Variants in RGS6 observed in about 807,000 individuals in gnomAD.
RGS6 encodes regulator of G-protein signaling 6.
RGS6 carries 30 observed loss-of-function variants against 78.5 expected under a neutral mutation model. The ratio of observed to expected loss-of-function variants is 0.38; its 90% confidence interval spans 0.29 to 0.52. The LOEUF is 0.52. Among genes scored for constraint, RGS6 ranks in the 20% least tolerant of loss-of-function variants. The pLI is 0.85. For synonymous variants in RGS6, 206 were observed against 206.0 expected (o/e 1.00, Z 0.00); for missense variants, 495 against 609.7 (o/e 0.81, Z 1.98).
intron 2 of RGS6, among the ~76,000 whole-genome samples, chr14:72,243,183 G>C (rs2053361075): frequency 6.6e-6 from 1 of 152,172 alleles, no homozygotes; most frequent in South Asian, 2.1e-4. Context: ...CACAGTCATG[G>C]AACATGTTTA....
intron 2 of RGS6, among the ~76,000 whole-genome samples, chr14:72,337,279 C>T (rs1339504984): frequency 6.6e-6 from 1 of 151,548 alleles, no homozygotes; most frequent in Non-Finnish European, 1.5e-5. Context: ...AACACCCCCT[C>T]CCCTGTAAAA....
chr14:72,425,448 A>G (rs537232112), intron 3 of RGS6, among the ~76,000 whole-genome samples: 52 of 152,338 alleles, frequency 3.4e-4, no homozygotes, highest in African/African-American at 1.2e-3. Flanking sequence ...CAGAAGGGGA[A>G]AATCTTATAA....
At chr14:72,068,927 TTC>T (rs1460087592) in intron 2 of RGS6, among the ~76,000 whole-genome samples, 1 of 152,164 alleles carries the variant, frequency 6.6e-6, no homozygotes, top group South Asian at 2.1e-4. Context: ...TTTGGATTTC[TTC>T]TCTTTTATAC....
chr14:71,980,098 G>A (rs1435922210), intron 2 of RGS6, among the ~76,000 whole-genome samples: 1 of 129,744 alleles, frequency 7.7e-6, no homozygotes, highest in Non-Finnish European at 1.6e-5. Flanking sequence ...GCCTTTTTTT[G>A]TTTTCCATTT....
At chr14:71,947,240 C>A (rs2091661211) in intron 1 of RGS6, among the ~76,000 whole-genome samples, 1 of 152,186 alleles carries the variant, frequency 6.6e-6, no homozygotes, top group Non-Finnish European at 1.5e-5. Context: ...TGGATAGATA[C>A]ATCTTGGGGT....
intron 2 of RGS6, among the ~76,000 whole-genome samples, chr14:72,173,901 A>T (rs188903612): frequency 4.7e-4 from 72 of 152,210 alleles, no homozygotes; most frequent in Admixed American, 2.6e-3. Context: ...ATTCGAGAGG[A>T]TGCCCAGGCC....
At chr14:72,559,283 C>G (rs1386122205) in intron 17 of RGS6, among the ~76,000 whole-genome samples, 4 of 152,206 alleles carry the variant, frequency 2.6e-5, no homozygotes, top group Non-Finnish European at 5.9e-5. Context: ...ACACAGGTAG[C>G]CTCTACTATC....
chr14:72,248,106 G>T (rs1734201353), intron 2 of RGS6, among the ~76,000 whole-genome samples: 1 of 152,170 alleles, frequency 6.6e-6, no homozygotes, highest in Admixed American at 6.5e-5. Context: ...ATATGATCCA[G>T]GGACTCCCAG....
chr14:72,153,420 C>G (rs1366521248), intron 2 of RGS6, among the ~76,000 whole-genome samples: 1 of 152,150 alleles, frequency 6.6e-6, no homozygotes, highest in Non-Finnish European at 1.5e-5. Flanking sequence ...CACTGGGGAC[C>G]AGATTTGGAT....
chr14:72,360,801 A>G (rs2081294612), intron 3 of RGS6, among the ~76,000 whole-genome samples: 1 of 152,058 alleles, frequency 6.6e-6, no homozygotes, highest in African/African-American at 2.4e-5. Flanking sequence ...CTGTGTCCCC[A>G]CTCTGATTTC....
At chr14:72,110,993 T>C (rs2095748534) in intron 2 of RGS6, among the ~76,000 whole-genome samples, 1 of 152,206 alleles carries the variant, frequency 6.6e-6, no homozygotes, top group Non-Finnish European at 1.5e-5. Flanking sequence ...TTTGTGAGGT[T>C]ACTTTCCAGT....
intron 2 of RGS6, among the ~76,000 whole-genome samples, chr14:72,272,441 A>G (rs970735150): frequency 3.9e-5 from 6 of 152,224 alleles, no homozygotes; most frequent in African/African-American, 4.8e-5. Flanking sequence ...TCTGTAAAAA[A>G]TCAAGGTTGT....
At chr14:72,337,491 C>T (rs1319051155) in intron 2 of RGS6, among the ~76,000 whole-genome samples, 1 of 151,948 alleles carries the variant, frequency 6.6e-6, no homozygotes, top group Admixed American at 6.6e-5. Flanking sequence ...ACAACCTTGC[C>T]CTCTCTCATT....
At chr14:72,612,453 T>C in the RGS6 span, 2 of 518,450 alleles carry the variant, frequency 3.9e-6, no homozygotes, top group Non-Finnish European at 7.7e-6. Context: ...TAGTACCTAA[T>C]TTAGGCTTCT....
At chr14:72,085,989 C>T (rs1453048335) in intron 2 of RGS6, among the ~76,000 whole-genome samples, 1 of 152,010 alleles carries the variant, frequency 6.6e-6, no homozygotes, top group Non-Finnish European at 1.5e-5. Context: ...GGACTTCCTC[C>T]TATTCATCTT....
At chr14:72,347,498 C>T (rs535953320) in intron 2 of RGS6, among the ~76,000 whole-genome samples, 66 of 152,292 alleles carry the variant, frequency 4.3e-4, no homozygotes, top group African/African-American at 1.5e-3. Context: ...GTATTAAGTG[C>T]CTTGTGTCTG....
chr14:72,005,305 A>C (rs1243782197), intron 2 of RGS6, among the ~76,000 whole-genome samples: 2 of 152,206 alleles, frequency 1.3e-5, no homozygotes, highest in Non-Finnish European at 2.9e-5. Context: ...TTTATTGTCT[A>C]ACTCATATCT....
chr14:72,560,797 CGTGTGTGT>C (rs57504072), intron 17 of RGS6, among the ~76,000 whole-genome samples: 10,594 of 141,238 alleles, frequency 0.075, 490 homozygotes, highest in African/African-American at 0.13. Context: ...ATTTTGTGGA[CGTGTGTGT>C]GTGTGTGTGT....
chr14:72,254,338 G>C (rs978755795), intron 2 of RGS6, among the ~76,000 whole-genome samples: 1 of 152,190 alleles, frequency 6.6e-6, no homozygotes, highest in African/African-American at 2.4e-5. Flanking sequence ...GTTCATTGAA[G>C]TCATCACTTT....
Sources: allele counts gnomAD v4.1 joint callset (sites outside exome capture counted in the v4.1 genomes callset), GRCh38; gene constraint gnomAD v4.1.1; transcripts MANE v1.5; gene names NCBI Gene and HGNC (gene_info 2026-07-23, HGNC 2026-07-21).